The following PARD6G variants were observed in gnomAD, a reference collection of about 807,000 sequenced individuals.
PARD6G encodes partitioning defective 6 homolog gamma.
PARD6G carries 7 observed loss-of-function variants against 10.7 expected under a neutral mutation model. The ratio of observed to expected loss-of-function variants is 0.66; its 90% confidence interval spans 0.37 to 1.23. PARD6G has a LOEUF of 1.23. PARD6G is among the 50% of genes most tolerant of loss of function. The pLI is 0.02. For missense variants in PARD6G, 548 were observed against 571.8 expected, an observed-to-expected ratio of 0.96 and a Z score of 0.42; for synonymous variants, 287 against 269.4, an observed-to-expected ratio of 1.07 and a Z score of -0.64.
chr18:80,197,156 G>C (rs12605727), intron 2 of PARD6G, among the ~76,000 whole-genome samples: 1 of 152,194 alleles, frequency 6.6e-6, no homozygotes, highest in Non-Finnish European at 1.5e-5. Context: ...GTGGAATGCA[G>C]AAATTGAATT....
chr18:80,204,199 G>A (rs1435654542), intron 1 of PARD6G, among the ~76,000 whole-genome samples: 3 of 152,122 alleles, frequency 2.0e-5, no homozygotes, highest in South Asian at 2.1e-4. Flanking sequence ...AATTAGATTG[G>A]TTCCAAAATA....
chr18:80,176,532 A>G lies in PARD6G; in HGVS notation c.296-15926T>C, dbSNP rs182221155. On this transcript the variant is annotated intron_variant, in intron 2 of 2. Coordinates refer to ENST00000353265, the MANE Select transcript of PARD6G (RefSeq NM_032510.4). ...TGGTCCTGAGTCTCAGCTCCCACTC[A>G]GGTCTCAGCCTCAAGAGAAAGGCAG... is the stretch of plus-strand genomic sequence containing the variant. Among the ~76,000 whole-genome samples the G allele has an allele frequency of 1.8e-3, 273 of 152,308 alleles. 1 individual carries two copies. Among genetic ancestry groups the G allele is most frequent in the African/African-American group, 6.3e-3 (261 of 41,574 alleles).
chr18:80,166,584 A>G (rs1401019778), intron 2 of PARD6G, among the ~76,000 whole-genome samples: 1 of 150,010 alleles, frequency 6.7e-6, no homozygotes, highest in Non-Finnish European at 1.5e-5. Flanking sequence ...CAGCTTTTTT[A>G]CAGCAGCATT....
chr18:80,247,162 A>T lies in PARD6G; in HGVS notation c.72+115T>A. The T allele has an allele frequency of 1.3e-6, 1 of 748,982 alleles. No homozygotes were observed. Among genetic ancestry groups the T allele is most frequent in the Non-Finnish European group, 2.0e-6 (1 of 509,354 alleles). 46.4% of individuals were successfully genotyped at this position (748,982 alleles called of 1,614,324 possible). Reference sequence around the variant, plus strand: ...GAGCGGCGCGCGGCGCCCGAACTGGAAAGTTGTCGCCGGCGCCTGTCGCCT... The same window carrying T: ...GAGCGGCGCGCGGCGCCCGAACTGGTAAGTTGTCGCCGGCGCCTGTCGCCT... On this transcript the variant is annotated intron_variant, in intron 1 of 2. Coordinates refer to ENST00000353265, the MANE Select transcript of PARD6G (RefSeq NM_032510.4). The surrounding 1 kb of genome is among the most constrained non-coding windows in gnomAD (Gnocchi z 4.2).
At chr18:80,199,158 C>T (rs1437578395) in intron 2 of PARD6G, among the ~76,000 whole-genome samples, 1 of 152,240 alleles carries the variant, frequency 6.6e-6, no homozygotes, top group Non-Finnish European at 1.5e-5. Context: ...GAGCATAGAA[C>T]CATTGCTTCC....
chr18:80,212,853 C>T (rs1479460905), intron 1 of PARD6G, among the ~76,000 whole-genome samples: 2 of 150,300 alleles, frequency 1.3e-5, no homozygotes, highest in Non-Finnish European at 3.0e-5. Flanking sequence ...CCACTGCACT[C>T]CAGCCTGAGC....
intron 1 of PARD6G, among the ~76,000 whole-genome samples, chr18:80,221,050 G>C (rs959102619): frequency 2.6e-5 from 4 of 152,040 alleles, no homozygotes; most frequent in African/African-American, 9.7e-5. Flanking sequence ...TTTATAACAA[G>C]ATATTGAATT....
intron 2 of PARD6G, among the ~76,000 whole-genome samples, chr18:80,193,506 C>A (rs1349445477): frequency 6.6e-6 from 1 of 152,140 alleles, no homozygotes; most frequent in East Asian, 1.9e-4. Context: ...ATACAAAATG[C>A]TTTAATGGGT....
chr18:80,206,509 T>G (rs1967055477), intron 1 of PARD6G, among the ~76,000 whole-genome samples: 1 of 152,194 alleles, frequency 6.6e-6, no homozygotes. Context: ...GCAAGTCAAG[T>G]AGTTTCCAAT....
intron 1 of PARD6G, among the ~76,000 whole-genome samples, chr18:80,217,741 A>G (rs1967185029): frequency 6.6e-6 from 1 of 152,160 alleles, no homozygotes; most frequent in African/African-American, 2.4e-5. Context: ...GCCTAAGGAG[A>G]TGTATTAGTC....
intron 1 of PARD6G, among the ~76,000 whole-genome samples, chr18:80,204,725 G>GA (rs1967039781): frequency 6.6e-6 from 1 of 152,084 alleles, no homozygotes; most frequent in Admixed American, 6.5e-5. Context: ...AAGGCGGGCA[G>GA]ATTACTTGAG....
Position 80,205,179 on chromosome 18 carries a change from T to C in PARD6G, c.73-2247A>G, listed in dbSNP as rs551681738. ...CAGAAGTGCAGAGCAGAGCAAACCC[T>C]TGAAATCTCTCCCCGTTATTCAAGG... On this transcript the variant is annotated intron_variant, in intron 1 of 2. Coordinates refer to ENST00000353265, the MANE Select transcript of PARD6G (RefSeq NM_032510.4). Among the ~76,000 whole-genome samples, 5 of 152,092 alleles carry C rather than the reference T, an allele frequency of 3.3e-5. No homozygotes were observed. The South Asian group carries it at 1.0e-3, about 32-fold the overall frequency.
rs374459597 is a variant in PARD6G, at chr18:80,238,047, C to T, written c.72+9230G>A. ...ATGCTGCTATAAAGACACATGCACA[C>T]GTATGTTTACTGCGGCACTGTTCAC... On this transcript the variant is annotated intron_variant, in intron 1 of 2. Coordinates refer to ENST00000353265, the MANE Select transcript of PARD6G (RefSeq NM_032510.4). Among the ~76,000 whole-genome samples, 15 of 152,228 alleles carry T rather than the reference C, an allele frequency of 9.9e-5. No homozygotes were observed. In the East Asian group the frequency reaches 1.2e-3, roughly 12 times the overall value.
intron 1 of PARD6G, among the ~76,000 whole-genome samples, chr18:80,232,729 C>A (rs932035007): frequency 6.6e-6 from 1 of 152,124 alleles, no homozygotes; most frequent in African/African-American, 2.4e-5. Context: ...CCCATCTCCA[C>A]CAGACAGACT....
chr18:80,215,473 A>T (rs1967154603), intron 1 of PARD6G, among the ~76,000 whole-genome samples: 1 of 151,870 alleles, frequency 6.6e-6, no homozygotes, highest in African/African-American at 2.4e-5. Context: ...TGTAATTTGT[A>T]TGATGACAAT....
intron 1 of PARD6G, among the ~76,000 whole-genome samples, chr18:80,244,288 A>T (rs377051459): frequency 1.3e-5 from 2 of 152,270 alleles, no homozygotes; most frequent in East Asian, 3.9e-4. Flanking sequence ...GAACTAGGGA[A>T]TTGGAAGTAC....
intron 2 of PARD6G, 114 bp downstream of exon 2, chr18:80,202,596 T>C: frequency 1.3e-6 from 1 of 763,572 alleles, no homozygotes; most frequent in East Asian, 2.6e-5. Context: ...TTTAATCTCC[T>C]ACTACAGGTT....
At chr18:80,207,600 A>G (rs187488151) in intron 1 of PARD6G, among the ~76,000 whole-genome samples, 8 of 152,356 alleles carry the variant, frequency 5.3e-5, no homozygotes, top group African/African-American at 1.9e-4. Flanking sequence ...TTCATTTATA[A>G]TTGTGGTAAA....
intron 2 of PARD6G, among the ~76,000 whole-genome samples, chr18:80,172,379 C>CTTT (rs796958659): frequency 7.4e-6 from 1 of 134,938 alleles, no homozygotes. Flanking sequence ...GGTTGTATGT[C>CTTT]TTTTTTTTTT....
Sources: allele counts gnomAD v4.1 joint callset (sites outside exome capture counted in the v4.1 genomes callset), GRCh38; gene constraint gnomAD v4.1.1; non-coding constraint Gnocchi (gnomAD v3.1); transcripts MANE v1.5; gene names NCBI Gene and HGNC (gene_info 2026-07-23, HGNC 2026-07-21).